The following CEP128 variants were observed in gnomAD, a reference collection of about 807,000 sequenced individuals.
CEP128 encodes centrosomal protein 128, also known as centrosomal protein 128kDa.
Under a neutral mutation model 156.7 loss-of-function variants are expected in CEP128, and 132 were observed. That is an observed-to-expected ratio of 0.84 (90% CI 0.73 to 0.97). The LOEUF (loss-of-function observed/expected upper bound fraction) is 0.97, where lower values mean the gene tolerates loss of function less well. Among genes scored for constraint, CEP128 ranks in the 50% least tolerant of loss-of-function variants. The pLI is 0.00. For missense variants in CEP128, 1,252 were observed against 1,281.9 expected (o/e 0.98, Z 0.36); for synonymous variants, 469 against 448.9 (o/e 1.04, Z -0.57).
At chr14:80,579,327 G>A (rs1169756590) in intron 20 of CEP128, among the ~76,000 whole-genome samples, 1 of 151,248 alleles carries the variant, frequency 6.6e-6, no homozygotes, top group African/African-American at 2.4e-5. Flanking sequence ...ACTAACCAAT[G>A]CTCTTTTTTT....
At chr14:80,702,732 T>C (rs899655805) in intron 19 of CEP128, among the ~76,000 whole-genome samples, 1 of 152,174 alleles carries the variant, frequency 6.6e-6, no homozygotes, top group African/African-American at 2.4e-5. Flanking sequence ...TTAAAGTGCA[T>C]GTTTTTAACT....
intron 5 of CEP128, chr14:80,905,403 A>C (rs1162107469): frequency 6.4e-6 from 1 of 155,732 alleles, no homozygotes; most frequent in East Asian, 1.9e-4. Flanking sequence ...TAACGATGTA[A>C]GGTACCAATG....
chr14:80,740,531 T>C lies in CEP128; in HGVS notation c.2806+2544A>G, dbSNP rs150973054. Among the ~76,000 whole-genome samples the C allele has an allele frequency of 5.2e-3, 687 of 132,714 alleles. 5 individuals are homozygous for C. Among genetic ancestry groups the C allele is most frequent in the South Asian group, 0.019 (77 of 4,144 alleles). 87.1% of individuals were successfully genotyped at this position (132,714 alleles called of 152,430 possible). A position where few individuals can be genotyped will look rare whatever the true frequency, so the allele number is the denominator to read the frequency against. Reference sequence around the variant, plus strand: ...ATAGATAGATAGATAGATAGATAGATAGATAGATAGATAGACAGACAGATA... The same window carrying C: ...ATAGATAGATAGATAGATAGATAGACAGATAGATAGATAGACAGACAGATA... On this transcript the variant is annotated intron_variant, in intron 19 of 24. Transcript: ENST00000555265.
At chr14:80,577,057 TC>T (rs1183923310) in intron 20 of CEP128, among the ~76,000 whole-genome samples, 1 of 152,168 alleles carries the variant, frequency 6.6e-6, no homozygotes, top group Non-Finnish European at 1.5e-5. Flanking sequence ...TGATGATCTT[TC>T]CCTTGAAATA....
At chr14:80,748,612 G>A (rs1899226527) in intron 18 of CEP128, among the ~76,000 whole-genome samples, 1 of 152,176 alleles carries the variant, frequency 6.6e-6, no homozygotes, top group South Asian at 2.1e-4. Flanking sequence ...TATGGTTAAA[G>A]TAGAGAGAGG....
chr14:80,508,598 G>A (rs1888096566), intron 23 of CEP128, among the ~76,000 whole-genome samples: 1 of 151,674 alleles, frequency 6.6e-6, no homozygotes, highest in Non-Finnish European at 1.5e-5. Context: ...AAACATCTTG[G>A]TACAAAAACT....
chr14:80,673,055 ATAG>A (rs1443997799), intron 19 of CEP128, among the ~76,000 whole-genome samples: 7 of 152,222 alleles, frequency 4.6e-5, no homozygotes, highest in Admixed American at 2.0e-4. Context: ...ACATTTATGT[ATAG>A]TAAGACCTAT....
At chr14:80,838,155 A>G in intron 11 of CEP128, 49 bp downstream of exon 11, 1 of 1,285,750 alleles carries the variant, frequency 7.8e-7, no homozygotes, top group Non-Finnish European at 1.1e-6. Context: ...AGAGCTACTC[A>G]ATCCTGATTT....
At chr14:80,492,932 TG>T (rs1887372787), downstream of CEP128, among the ~76,000 whole-genome samples, 1 of 152,150 alleles carries the variant, frequency 6.6e-6, no homozygotes, top group Admixed American at 6.6e-5. Context: ...ACATCTGAAT[TG>T]TTGGTAGTTT....
intron 20 of CEP128, among the ~76,000 whole-genome samples, chr14:80,562,418 C>G (rs995622244): frequency 2.0e-5 from 3 of 152,040 alleles, no homozygotes; most frequent in African/African-American, 7.2e-5. Context: ...CTGATTTTGT[C>G]TAAATTATAG....
intron 10 of CEP128, among the ~76,000 whole-genome samples, chr14:80,839,146 CATGCCTAGATG>C (rs1267381677): frequency 1.3e-5 from 2 of 152,200 alleles, no homozygotes; most frequent in African/African-American, 4.8e-5. Flanking sequence ...AAACTCCTAA[CATGCCTAGATG>C]ATTTCAAGTT....
intron 13 of CEP128, among the ~76,000 whole-genome samples, chr14:80,809,192 A>G (rs564968060): frequency 6.6e-6 from 1 of 152,340 alleles, no homozygotes; most frequent in African/African-American, 2.4e-5. Flanking sequence ...GAACCAGACA[A>G]GAATTCTGGA....
chr14:80,619,920 T>G (rs971407942), intron 19 of CEP128, among the ~76,000 whole-genome samples: 5 of 149,782 alleles, frequency 3.3e-5, no homozygotes, highest in South Asian at 2.1e-4. Flanking sequence ...AGGTCAGGAG[T>G]TCAAGACCAG....
At chr14:80,500,324 C>T (rs999824821) in intron 24 of CEP128, among the ~76,000 whole-genome samples, 12 of 152,142 alleles carry the variant, frequency 7.9e-5, no homozygotes, top group Non-Finnish European at 1.6e-4. Flanking sequence ...TCACTCAGTA[C>T]AAATTCTGAC....
intron 19 of CEP128, among the ~76,000 whole-genome samples, chr14:80,700,978 G>A (rs1897055730): frequency 6.6e-6 from 1 of 152,116 alleles, no homozygotes; most frequent in Non-Finnish European, 1.5e-5. Context: ...AGGGAAGAGG[G>A]AGCAGAACAA....
At chr14:80,845,175 C>A (rs574942104) in intron 9 of CEP128, among the ~76,000 whole-genome samples, 1 of 152,262 alleles carries the variant, frequency 6.6e-6, no homozygotes, top group South Asian at 2.1e-4. Context: ...ATTTGCCAAT[C>A]TGCAAAACAA....
At chr14:80,497,870 T>C (rs1216035132) in intron 24 of CEP128, among the ~76,000 whole-genome samples, 1 of 152,186 alleles carries the variant, frequency 6.6e-6, no homozygotes, top group Non-Finnish European at 1.5e-5. Context: ...GGTGTGCACG[T>C]GCACACGCAC....
intron 19 of CEP128, among the ~76,000 whole-genome samples, chr14:80,622,942 A>C (rs997954421): frequency 3.3e-5 from 5 of 152,050 alleles, no homozygotes; most frequent in African/African-American, 1.2e-4. Flanking sequence ...CATTTGACCC[A>C]GCCATCCCAT....
At chr14:80,579,274 C>G (rs1466173910) in intron 20 of CEP128, among the ~76,000 whole-genome samples, 1 of 151,470 alleles carries the variant, frequency 6.6e-6, no homozygotes, top group Non-Finnish European at 1.5e-5. Flanking sequence ...CAGAGATAGG[C>G]AGGTCAAGTA....
Sources: gnomAD v4.1 joint callset for allele counts (sites outside exome capture counted in the v4.1 genomes callset) on GRCh38, gnomAD v4.1.1 for gene constraint, MANE v1.5 for transcripts, NCBI Gene and HGNC (gene_info 2026-07-23, HGNC 2026-07-21) for gene names.